ALK: variants seen among roughly 807,000 people sequenced by gnomAD.
ALK encodes ALK tyrosine kinase receptor.
Under a neutral mutation model 163.1 loss-of-function variants are expected in ALK, and 74 were observed. The ratio of observed to expected loss-of-function variants is 0.45; its 90% CI spans 0.38 to 0.55. The LOEUF (loss-of-function observed/expected upper bound fraction) is 0.55. Ranked by LOEUF, ALK falls within the 20% of genes least tolerant of loss-of-function variation. The pLI is 0.00. For synonymous variants in ALK, 960 were observed against 843.2 expected (o/e 1.14, Z -2.40); for missense variants, 2,063 against 2,105.3 (o/e 0.98, Z 0.39).
intron 5 of ALK, among the ~76,000 whole-genome samples, chr2:29,348,128 C>T (rs1403451147): frequency 6.6e-6 from 1 of 152,118 alleles, no homozygotes; most frequent in Admixed American, 6.5e-5. Flanking sequence ...TCAGAGACAA[C>T]ATGATCTGTG....
At chr2:29,846,756 C>A (rs1381206659) in intron 1 of ALK, among the ~76,000 whole-genome samples, 2 of 152,184 alleles carry the variant, frequency 1.3e-5, no homozygotes, top group Admixed American at 1.3e-4. Flanking sequence ...TCATATTAGC[C>A]ACACTTGTTG....
At chr2:29,470,160 G>A (rs1022093845) in intron 4 of ALK, among the ~76,000 whole-genome samples, 1 of 152,048 alleles carries the variant, frequency 6.6e-6, no homozygotes, top group Non-Finnish European at 1.5e-5. Flanking sequence ...GATACTGGAA[G>A]AGAGACTCAC....
chr2:29,717,754 T>A (rs1679305821), intron 1 of ALK, 57 bp from the exon 2 acceptor site: 2 of 1,611,452 alleles, frequency 1.2e-6, no homozygotes, highest in East Asian at 4.5e-5. Flanking sequence ...GTCTTTTAGC[T>A]GTCACTCAAT....
At chr2:29,755,683 C>T (rs1302852389) in intron 1 of ALK, among the ~76,000 whole-genome samples, 1 of 152,106 alleles carries the variant, frequency 6.6e-6, no homozygotes. Flanking sequence ...TTACGAGGCA[C>T]ATATTAGTAC....
intron 3 of ALK, among the ~76,000 whole-genome samples, chr2:29,676,725 T>G (rs2148275211): frequency 6.6e-6 from 1 of 152,210 alleles, no homozygotes; most frequent in East Asian, 1.9e-4. Context: ...TTGATCAATG[T>G]GGGGAGAAAT....
chr2:29,853,991 C>G (rs923519188), intron 1 of ALK, among the ~76,000 whole-genome samples: 1 of 151,582 alleles, frequency 6.6e-6, no homozygotes, highest in Non-Finnish European at 1.5e-5. Context: ...CTCGCTACAA[C>G]CTTCACCTCC....
At chr2:29,194,009 C>T (rs1668960945) in intron 28 of ALK, 87 bp from the exon 29 acceptor site, 9 of 1,283,148 alleles carry the variant, frequency 7.0e-6, no homozygotes, top group Non-Finnish European at 1.0e-5. Context: ...GTTATCTAAA[C>T]ATATTCTACA....
intron 3 of ALK, among the ~76,000 whole-genome samples, chr2:29,661,787 T>C (rs1274415924): frequency 2.0e-5 from 3 of 152,204 alleles, no homozygotes; most frequent in African/African-American, 7.2e-5. Flanking sequence ...CTGTGTCATT[T>C]AGAGCTGGCA....
chr2:29,293,488 T>C (rs1301193713), intron 9 of ALK, among the ~76,000 whole-genome samples: 2 of 152,240 alleles, frequency 1.3e-5, no homozygotes, highest in Middle Eastern at 3.2e-3. Context: ...GCCATGAGAA[T>C]ATATTGTGGG....
chr2:29,316,538 T>C (rs1666840983), intron 8 of ALK, among the ~76,000 whole-genome samples: 1 of 152,222 alleles, frequency 6.6e-6, no homozygotes, highest in African/African-American at 2.4e-5. Context: ...CCTTGACATT[T>C]CTTTTTCTGA....
chr2:29,804,976 G>T (rs1664570593), intron 1 of ALK, among the ~76,000 whole-genome samples: 1 of 152,126 alleles, frequency 6.6e-6, no homozygotes, highest in East Asian at 1.9e-4. Context: ...AGGAGTAATG[G>T]TGCAGAGATC....
At chr2:29,867,087 GA>G (rs1391633247) in intron 1 of ALK, among the ~76,000 whole-genome samples, 6 of 152,146 alleles carry the variant, frequency 3.9e-5, no homozygotes, top group South Asian at 2.1e-4. Context: ...TTTACATAAA[GA>G]AAGCCTCCAG....
At chr2:29,247,720 G>A (rs893484073) in intron 12 of ALK, among the ~76,000 whole-genome samples, 6 of 152,140 alleles carry the variant, frequency 3.9e-5, no homozygotes, top group Non-Finnish European at 5.9e-5. Context: ...GTTGGGGCTT[G>A]GTAGCATTCG....
chr2:29,793,559 C>G (rs1664237892), intron 1 of ALK, among the ~76,000 whole-genome samples: 1 of 152,096 alleles, frequency 6.6e-6, no homozygotes, highest in Admixed American at 6.6e-5. Flanking sequence ...AGACATGTTT[C>G]TTAAATAATA....
chr2:29,716,837 A>T (rs1679269863), intron 2 of ALK, among the ~76,000 whole-genome samples: 1 of 151,864 alleles, frequency 6.6e-6, no homozygotes, highest in Non-Finnish European at 1.5e-5. Flanking sequence ...TCATAATAAT[A>T]ATCCCCTCTT....
At chr2:29,801,884 A>T (rs1223714703) in intron 1 of ALK, among the ~76,000 whole-genome samples, 1 of 152,158 alleles carries the variant, frequency 6.6e-6, no homozygotes, top group Non-Finnish European at 1.5e-5. Flanking sequence ...TCTTTCTACT[A>T]CAGAGCTGCA....
chr2:29,912,752 A>C (rs1008853415), intron 1 of ALK, among the ~76,000 whole-genome samples: 1 of 152,120 alleles, frequency 6.6e-6, no homozygotes, highest in African/African-American at 2.4e-5. Flanking sequence ...GAGTTGTAGA[A>C]GATTGCAAAG....
intron 1 of ALK, among the ~76,000 whole-genome samples, chr2:29,865,861 T>C (rs369112453): frequency 6.6e-6 from 1 of 152,144 alleles, no homozygotes; most frequent in Admixed American, 6.5e-5. Flanking sequence ...CAAAATCATA[T>C]TGCCAGTAAG....
At chr2:29,665,003 CTTT>C (rs35885544) in intron 3 of ALK, among the ~76,000 whole-genome samples, 5 of 133,760 alleles carry the variant, frequency 3.7e-5, no homozygotes, top group Admixed American at 7.8e-5. Context: ...TTCTTTTTTT[CTTT>C]TTTTTTTTTT....
Sources: gnomAD v4.1 joint callset for allele counts (sites outside exome capture counted in the v4.1 genomes callset) on GRCh38, gnomAD v4.1.1 for gene constraint, MANE v1.5 for transcripts, NCBI Gene and HGNC (gene_info 2026-07-23, HGNC 2026-07-21) for gene names.